TANC1: variants seen among roughly 807,000 people sequenced by gnomAD.
TANC1 encodes protein TANC1.
In TANC1, 77 loss-of-function variants were observed where a neutral mutation model predicts 149.7. That is an observed-to-expected ratio of 0.51 (90% CI 0.43 to 0.62). The LOEUF is 0.62. Ranked by LOEUF, TANC1 falls within the 20% of genes least tolerant of loss-of-function variation. The probability of loss-of-function intolerance (pLI) is 0.00; values close to 1 mark genes in which losing one functional copy is unlikely to be tolerated. For missense variants in TANC1, 1,985 were observed against 2,321.8 expected, an observed-to-expected ratio of 0.85 and a Z score of 2.98; for synonymous variants, 854 against 925.0, an observed-to-expected ratio of 0.92 and a Z score of 1.39.
chr2:159,075,970 G>A (rs543539286), intron 3 of TANC1, among the ~76,000 whole-genome samples: 2 of 152,288 alleles, frequency 1.3e-5, no homozygotes, highest in East Asian at 3.9e-4. Flanking sequence ...CCTATTACTA[G>A]GGGGTATTTG....
At chr2:159,165,075 C>A (rs2054445281) in intron 8 of TANC1, among the ~76,000 whole-genome samples, 2 of 152,180 alleles carry the variant, frequency 1.3e-5, no homozygotes. Context: ...TTATTAACTT[C>A]AACAAAAATA....
At chr2:159,219,634 G>A in intron 21 of TANC1, 58 bp from the exon 22 acceptor site, 1 of 1,604,044 alleles carries the variant, frequency 6.2e-7, no homozygotes, top group Non-Finnish European at 8.5e-7. Flanking sequence ...GAAACAATTT[G>A]CTTTCTGGCT....
intron 1 of TANC1, among the ~76,000 whole-genome samples, chr2:158,980,795 T>A (rs1559095054): frequency 6.6e-6 from 1 of 150,880 alleles, no homozygotes; most frequent in Non-Finnish European, 1.5e-5. Flanking sequence ...AAAAAAATTC[T>A]CCCTTAAATA....
intron 5 of TANC1, among the ~76,000 whole-genome samples, chr2:159,138,979 G>C (rs2051072810): frequency 6.6e-6 from 1 of 152,200 alleles, no homozygotes; most frequent in Non-Finnish European, 1.5e-5. Flanking sequence ...ATAAGTAATT[G>C]CATTTATGTG....
chr2:159,189,310 T>C (rs2057264085), intron 16 of TANC1, among the ~76,000 whole-genome samples: 2 of 152,188 alleles, frequency 1.3e-5, no homozygotes, highest in Admixed American at 1.3e-4. Flanking sequence ...GTGACTTACC[T>C]CTGCCCTCAT....
intron 2 of TANC1, among the ~76,000 whole-genome samples, chr2:159,063,540 G>T (rs1403403814): frequency 6.6e-6 from 1 of 152,144 alleles, no homozygotes; most frequent in Non-Finnish European, 1.5e-5. Context: ...TTTCCAGTCT[G>T]GGGGAGGGGA....
At chr2:159,071,276 A>AC (rs2043134793) in intron 3 of TANC1, among the ~76,000 whole-genome samples, 2 of 152,234 alleles carry the variant, frequency 1.3e-5, no homozygotes, top group Non-Finnish European at 2.9e-5. Context: ...TGATTAAGGA[A>AC]TAGTTCCTTA....
At chr2:159,178,477 G>C (rs2056116410) in intron 13 of TANC1, 79 bp from the exon 14 acceptor site, 4 of 1,478,202 alleles carry the variant, frequency 2.7e-6, no homozygotes, top group Non-Finnish European at 3.6e-6. Context: ...CAAAACTAGT[G>C]AATCTGGTTT....
At chr2:159,019,420 TGCTTTCTAAGTGTTG>T (rs1303899451) in intron 2 of TANC1, among the ~76,000 whole-genome samples, 1 of 152,190 alleles carries the variant, frequency 6.6e-6, no homozygotes, top group East Asian at 1.9e-4. Flanking sequence ...TGTAACCTCC[TGCTTTCTAAGTGTTG>T]GCAACCTAAT....
rs376608685 is a variant in TANC1, at chr2:159,194,484, G to A, written c.2970G>A (p.Lys990=). The change falls in exon 17 of 27, where the codon AAG becomes AAA. Residue 990 remains lysine, a synonymous_variant. Coordinates refer to ENST00000263635, the MANE Select transcript of TANC1 (RefSeq NM_033394.3). The stretch of plus-strand genomic sequence containing the variant: ...AGCTGGTGTGTCTGCTGACCAAGAA[G>A]GGAGTGAGAGTAAGCGGCAGCCTGC... ...HMKLVCLLTK[K]GVRVDHLDKK... 7 of 1,613,856 alleles carry A rather than the reference G, an allele frequency of 4.3e-6. No individual in the cohort carries two copies. The highest frequency in any genetic ancestry group is 5.9e-6 in the Non-Finnish European group (7 of 1,179,832).
chr2:159,107,031 TTTG>T, intron 4 of TANC1, among the ~76,000 whole-genome samples: 1 of 152,202 alleles, frequency 6.6e-6, no homozygotes, highest in Non-Finnish European at 1.5e-5. Flanking sequence ...TGTTTGTTTG[TTTG>T]TTTGTTTTTG....
chr2:159,199,413 A>G (rs946820220), intron 19 of TANC1, among the ~76,000 whole-genome samples: 2 of 152,240 alleles, frequency 1.3e-5, no homozygotes, highest in Admixed American at 6.5e-5. Flanking sequence ...CGAGCCAGGC[A>G]TGAACTTCTG....
intron 4 of TANC1, among the ~76,000 whole-genome samples, chr2:159,101,686 G>A (rs766300613): frequency 1.8e-4 from 27 of 152,126 alleles, no homozygotes; most frequent in Admixed American, 1.3e-4. Context: ...TATTTGTAAT[G>A]TGTGCTGCTG....
At chr2:159,204,887 G>A (rs2058497279) in intron 19 of TANC1, among the ~76,000 whole-genome samples, 1 of 152,240 alleles carries the variant, frequency 6.6e-6, no homozygotes, top group Admixed American at 6.5e-5. Context: ...GGGCTATTTA[G>A]CTGCGTCGTA....
intron 2 of TANC1, among the ~76,000 whole-genome samples, chr2:159,061,488 T>C (rs1201321172): frequency 6.6e-6 from 1 of 152,242 alleles, no homozygotes; most frequent in Non-Finnish European, 1.5e-5. Flanking sequence ...CAGGCCTTGC[T>C]AAGGGCCCCC....
chr2:159,100,085 G>A (rs752994842), intron 4 of TANC1, among the ~76,000 whole-genome samples: 2 of 152,098 alleles, frequency 1.3e-5, no homozygotes, highest in South Asian at 2.1e-4. Flanking sequence ...AGAAACTATC[G>A]ATATTTTTAA....
At chr2:159,098,603 C>A (rs899765748) in intron 4 of TANC1, among the ~76,000 whole-genome samples, 1 of 151,908 alleles carries the variant, frequency 6.6e-6, no homozygotes, top group African/African-American at 2.4e-5. Flanking sequence ...AGCATTTGAA[C>A]AGCTATAAAG....
intron 8 of TANC1, among the ~76,000 whole-genome samples, chr2:159,166,814 G>A (rs1209679988): frequency 6.6e-6 from 1 of 152,194 alleles, no homozygotes; most frequent in Non-Finnish European, 1.5e-5. Flanking sequence ...GCCTCAGAAA[G>A]CTGAGATAGC....
chr2:159,060,001 ATTAT>A (rs1321004942), intron 2 of TANC1: 1 of 221,242 alleles, frequency 4.5e-6, no homozygotes, highest in Non-Finnish European at 6.8e-6. Context: ...TTTAGTCTGT[ATTAT>A]TTATTTTGTA....
Sources: gnomAD v4.1 joint callset for allele counts (sites outside exome capture counted in the v4.1 genomes callset) on GRCh38, gnomAD v4.1.1 for gene constraint, MANE v1.5 for transcripts, NCBI Gene and HGNC (gene_info 2026-07-23, HGNC 2026-07-21) for gene names.